LRRTM4: variants seen among roughly 807,000 people sequenced by gnomAD.
The protein encoded by LRRTM4 is leucine-rich repeat transmembrane neuronal protein 4.
LRRTM4 carries 25 observed loss-of-function variants against 47.6 expected under a neutral mutation model. The ratio of observed to expected loss-of-function variants is 0.53; its 90% CI spans 0.38 to 0.73. The LOEUF (loss-of-function observed/expected upper bound fraction) is 0.73, where lower values mean the gene tolerates loss of function less well. Ranked by LOEUF, LRRTM4 falls within the 30% of genes least tolerant of loss-of-function variation. The pLI is 0.00. For missense variants in LRRTM4, 638 were observed against 713.4 expected (o/e 0.89, Z 1.20); for synonymous variants, 311 against 269.5 (o/e 1.15, Z -1.51).
At chr2:76,806,068 G>A (rs1456445242) in intron 3 of LRRTM4, among the ~76,000 whole-genome samples, 1 of 152,096 alleles carries the variant, frequency 6.6e-6, no homozygotes, top group Non-Finnish European at 1.5e-5. Flanking sequence ...TAAGATGCAC[G>A]TACAGAACAA....
intron 3 of LRRTM4, among the ~76,000 whole-genome samples, chr2:76,835,202 T>C (rs1671474335): frequency 6.6e-6 from 1 of 152,092 alleles, no homozygotes; most frequent in African/African-American, 2.4e-5. Flanking sequence ...ATAAAACTTA[T>C]TAAATTGTAC....
intron 3 of LRRTM4, among the ~76,000 whole-genome samples, chr2:77,075,100 A>G (rs1680288381): frequency 6.6e-6 from 1 of 152,224 alleles, no homozygotes; most frequent in East Asian, 1.9e-4. Flanking sequence ...ATTGTCATCA[A>G]TAATGCTTTC....
At chr2:77,139,373 C>G (rs1415826957) in intron 3 of LRRTM4, among the ~76,000 whole-genome samples, 1 of 152,084 alleles carries the variant, frequency 6.6e-6, no homozygotes, top group Non-Finnish European at 1.5e-5. Context: ...AAGACAAAAG[C>G]CACATGATTA....
At chr2:76,831,556 G>A (rs565717367) in intron 3 of LRRTM4, among the ~76,000 whole-genome samples, 1 of 152,148 alleles carries the variant, frequency 6.6e-6, no homozygotes, top group East Asian at 1.9e-4. Context: ...CCAACCATCA[G>A]CCTATAAAAA....
intron 3 of LRRTM4, among the ~76,000 whole-genome samples, chr2:77,331,482 T>A (rs1670969817): frequency 6.6e-6 from 1 of 152,190 alleles, no homozygotes; most frequent in African/African-American, 2.4e-5. Flanking sequence ...ACTAAATGAT[T>A]AAGTAGTAGT....
chr2:76,872,892 T>A (rs1299691701), intron 3 of LRRTM4, among the ~76,000 whole-genome samples: 1 of 152,070 alleles, frequency 6.6e-6, no homozygotes, highest in Non-Finnish European at 1.5e-5. Flanking sequence ...ACCTTCCCAC[T>A]CACCCTTGCT....
intron 3 of LRRTM4, among the ~76,000 whole-genome samples, chr2:77,094,151 A>C (rs1025778161): frequency 6.6e-5 from 10 of 152,172 alleles, no homozygotes; most frequent in African/African-American, 1.9e-4. Flanking sequence ...CACCACCAAC[A>C]AAAAAAGCAA....
intron 3 of LRRTM4, among the ~76,000 whole-genome samples, chr2:76,879,181 A>T (rs1024539610): frequency 1.3e-5 from 2 of 152,220 alleles, no homozygotes; most frequent in African/African-American, 4.8e-5. Flanking sequence ...CTAACATTAA[A>T]CAGTAGGTTT....
intron 3 of LRRTM4, among the ~76,000 whole-genome samples, chr2:77,187,123 C>T (rs1268980427): frequency 6.6e-6 from 1 of 152,132 alleles, no homozygotes; most frequent in African/African-American, 2.4e-5. Flanking sequence ...ACAGGGCCAC[C>T]ATATTCAGAA....
intron 3 of LRRTM4, among the ~76,000 whole-genome samples, chr2:77,022,275 G>A (rs973208073): frequency 6.6e-6 from 1 of 152,116 alleles, no homozygotes; most frequent in African/African-American, 2.4e-5. Context: ...TCTCCCACCA[G>A]GTCCCTCCTA....
At chr2:76,839,641 A>G (rs72819234) in intron 3 of LRRTM4, among the ~76,000 whole-genome samples, 14,352 of 152,074 alleles carry the variant, frequency 0.094, 1,231 homozygotes, top group African/African-American at 0.22. Context: ...TGAAAATATA[A>G]TTATTCAAAC....
chr2:77,038,785 T>C (rs1678928556), intron 3 of LRRTM4, among the ~76,000 whole-genome samples: 1 of 151,454 alleles, frequency 6.6e-6, no homozygotes, highest in South Asian at 2.1e-4. Flanking sequence ...GGGGAATCAG[T>C]TGGAGAGTTT....
At chr2:77,029,843 T>C (rs985762018) in intron 3 of LRRTM4, among the ~76,000 whole-genome samples, 6 of 152,070 alleles carry the variant, frequency 3.9e-5, no homozygotes, top group African/African-American at 4.8e-5. Flanking sequence ...AGGACATCAA[T>C]GACAATGAAG....
At chr2:77,133,971 A>C (rs558015726) in intron 3 of LRRTM4, among the ~76,000 whole-genome samples, 1 of 152,306 alleles carries the variant, frequency 6.6e-6, no homozygotes, top group South Asian at 2.1e-4. Context: ...TGTCAAATCC[A>C]AAAATTAATG....
At chr2:77,227,181 A>T (rs1365658088) in intron 3 of LRRTM4, among the ~76,000 whole-genome samples, 2 of 152,016 alleles carry the variant, frequency 1.3e-5, no homozygotes, top group African/African-American at 4.8e-5. Context: ...TGTTAGCAGC[A>T]ATCTCCCTTA....
At chr2:77,183,045 C>T (rs1439647385) in intron 3 of LRRTM4, among the ~76,000 whole-genome samples, 19 of 152,238 alleles carry the variant, frequency 1.2e-4, no homozygotes, top group Non-Finnish European at 2.4e-4. Flanking sequence ...ATGACTAAAA[C>T]GCCAAAAGCA....
intron 3 of LRRTM4, among the ~76,000 whole-genome samples, chr2:76,901,702 C>T (rs1002430895): frequency 6.6e-6 from 1 of 152,108 alleles, no homozygotes. Context: ...CAGAAAACAA[C>T]TCCTTTGATC....
intron 3 of LRRTM4, among the ~76,000 whole-genome samples, chr2:76,826,290 G>A (rs758831262): frequency 1.3e-5 from 2 of 151,630 alleles, no homozygotes; most frequent in Non-Finnish European, 3.0e-5. Flanking sequence ...TAGCTTAATA[G>A]AGTAGGAAAG....
chr2:76,820,553 A>G (rs1558675990), intron 3 of LRRTM4, among the ~76,000 whole-genome samples: 1 of 151,836 alleles, frequency 6.6e-6, no homozygotes, highest in South Asian at 2.1e-4. Context: ...TTGCGATAAA[A>G]AAATGATGGA....
Sources: allele counts gnomAD v4.1 joint callset (sites outside exome capture counted in the v4.1 genomes callset), GRCh38; gene constraint gnomAD v4.1.1; transcripts MANE v1.5; gene names NCBI Gene and HGNC (gene_info 2026-07-23, HGNC 2026-07-21).